Variants in KCNH5 observed in about 807,000 individuals in gnomAD.
The protein encoded by KCNH5 is voltage-gated delayed rectifier potassium channel KCNH5.
Under a neutral mutation model 96.1 loss-of-function variants are expected in KCNH5, and 46 were observed. The ratio of observed to expected loss-of-function variants is 0.48; its 90% CI spans 0.38 to 0.61. The LOEUF is 0.61. KCNH5 is among the 20% of genes least tolerant of loss of function. The pLI is 0.00. For synonymous variants in KCNH5, 439 were observed against 449.8 expected (o/e 0.98, Z 0.30); for missense variants, 907 against 1,225.8 (o/e 0.74, Z 3.88).
At chr14:62,890,903 TAAC>T (rs1306030045) in intron 7 of KCNH5, among the ~76,000 whole-genome samples, 1 of 151,980 alleles carries the variant, frequency 6.6e-6, no homozygotes, top group East Asian at 1.9e-4. Context: ...AGTCAAAAAA[TAAC>T]AAATGCTGGC....
chr14:62,954,103 G>A (rs1353026601), intron 6 of KCNH5, among the ~76,000 whole-genome samples: 1 of 152,182 alleles, frequency 6.6e-6, no homozygotes, highest in South Asian at 2.1e-4. Flanking sequence ...TTCCCAGAAT[G>A]TCCATGCTGT....
rs778860669 is a variant in KCNH5, at chr14:62,708,114, G to A, written c.2361C>T (p.Asn787=). ...NNRDAMELKP[N]GGADQKCLKV... is the part of the protein sequence containing the mutation. ...TGAGACATTTTTGGTCAGCACCGCC[G>A]TTGGGCTTGAGTTCCATGGCATCAC... Residue 787 remains asparagine, a synonymous_variant, in exon 11 of 11, where the codon AAC becomes AAT. Coordinates refer to ENST00000322893, the MANE Select transcript of KCNH5 (RefSeq NM_139318.5). The A allele has an allele frequency of 1.4e-5, 22 of 1,614,074 alleles. No individual in the cohort carries two copies. Among genetic ancestry groups the A allele is most frequent in the East Asian group, 2.2e-5 (1 of 44,894 alleles).
intron 7 of KCNH5, among the ~76,000 whole-genome samples, chr14:62,856,053 T>C (rs947641547): frequency 6.6e-6 from 1 of 152,222 alleles, no homozygotes; most frequent in Admixed American, 6.5e-5. Context: ...TTATAGTTTA[T>C]AAAAATTCAT....
chr14:62,981,970 C>T (rs371023935), intron 5 of KCNH5, among the ~76,000 whole-genome samples: 3 of 152,164 alleles, frequency 2.0e-5, no homozygotes, highest in Admixed American at 2.0e-4. Context: ...CTAATTACAG[C>T]AGAAAACAAA....
intron 7 of KCNH5, among the ~76,000 whole-genome samples, chr14:62,910,666 T>C (rs1053975266): frequency 2.0e-5 from 3 of 152,192 alleles, no homozygotes; most frequent in African/African-American, 4.8e-5. Flanking sequence ...AAGATCTTTA[T>C]GGAGAAAACT....
At chr14:62,775,721 T>C (rs1165933476) in intron 10 of KCNH5, among the ~76,000 whole-genome samples, 1 of 152,234 alleles carries the variant, frequency 6.6e-6, no homozygotes, top group East Asian at 1.9e-4. Flanking sequence ...ATTCTATTCA[T>C]ATGCCCACTG....
intron 6 of KCNH5, among the ~76,000 whole-genome samples, chr14:62,956,634 G>T (rs1044192315): frequency 4.0e-5 from 6 of 151,266 alleles, no homozygotes; most frequent in African/African-American, 7.3e-5. Flanking sequence ...GTGGGGGCGG[G>T]GGGGGGCAGG....
At chr14:62,882,710 C>T (rs1022432511) in intron 7 of KCNH5, among the ~76,000 whole-genome samples, 1 of 152,054 alleles carries the variant, frequency 6.6e-6, no homozygotes, top group African/African-American at 2.4e-5. Context: ...TTTGCTTTAC[C>T]ATTAGATTAC....
In KCNH5 at chr14:62,858,854, C is replaced by G. The variant is rs1052538909; in HGVS notation, c.1370-9002G>C. Among the ~76,000 whole-genome samples the G allele has an allele frequency of 1.9e-4, 29 of 152,288 alleles. No individual in the cohort carries two copies. The East Asian group carries it at 5.4e-3, about 28-fold the overall frequency. On this transcript the variant is annotated intron_variant, in intron 7 of 10. Coordinates refer to ENST00000322893, the MANE Select transcript of KCNH5 (RefSeq NM_139318.5). ...GCCAAGACCTGCAAAGTATTATCAC[C>G]TAATTGGCATTGTAATTCTGACTTC...
chr14:62,763,808 C>G (rs1450705301), intron 10 of KCNH5, among the ~76,000 whole-genome samples: 1 of 152,158 alleles, frequency 6.6e-6, no homozygotes, highest in Non-Finnish European at 1.5e-5. Context: ...TTCCTAGAAA[C>G]ATGCAACCTC....
intron 8 of KCNH5, among the ~76,000 whole-genome samples, chr14:62,834,411 G>T (rs2140030887): frequency 6.6e-6 from 1 of 152,024 alleles, no homozygotes; most frequent in South Asian, 2.1e-4. Context: ...TAATTATTCA[G>T]CAGTGAACAA....
intron 1 of KCNH5, among the ~76,000 whole-genome samples, chr14:63,041,260 T>C (rs11845549): frequency 0.058 from 8,856 of 152,236 alleles, 563 homozygotes; most frequent in African/African-American, 0.16. Context: ...AAACAGTTAC[T>C]TTCTTCCAGA....
chr14:62,705,882 G>A lies in KCNH5; in HGVS notation c.*1626C>T, dbSNP rs183448731. On this transcript the variant is annotated 3_prime_UTR_variant, in exon 11 of 11. Coordinates refer to ENST00000322893, the MANE Select transcript of KCNH5 (RefSeq NM_139318.5). ...TCTTTTGCATATTGTTAACATATATGTACAGATGGTCCCGTAATATATAAA... is the reference window on the plus strand; with the variant it reads ...TCTTTTGCATATTGTTAACATATATATACAGATGGTCCCGTAATATATAAA... The A allele has an allele frequency of 1.3e-3, 195 of 152,138 alleles. 2 individuals are homozygous for A. The highest frequency in any genetic ancestry group is 1.7e-3 in the Non-Finnish European group (116 of 67,912). 9.4% of individuals were successfully genotyped at this position (152,138 alleles called of 1,614,324 possible).
intron 10 of KCNH5, among the ~76,000 whole-genome samples, chr14:62,735,493 A>G (rs1566643501): frequency 6.6e-6 from 1 of 152,226 alleles, no homozygotes; most frequent in African/African-American, 2.4e-5. Flanking sequence ...TGGGCTTGTT[A>G]TCATTCAGAT....
chr14:62,911,786 C>T lies in KCNH5; in HGVS notation c.1369+38347G>A, dbSNP rs371690337. On this transcript the variant is annotated intron_variant, in intron 7 of 10. Transcript: ENST00000322893. ...GCACGGTGGCTCACACCTGTAATCCCAGCACTTTAGGAGGGAGGCAGGTGG... is the reference window on the plus strand; with the variant it reads ...GCACGGTGGCTCACACCTGTAATCCTAGCACTTTAGGAGGGAGGCAGGTGG... 2.6e-5 allele frequency among the ~76,000 whole-genome samples: 4 copies of T among 151,112 alleles called. No homozygotes were observed. In the South Asian group the frequency reaches 8.4e-4, roughly 32 times the overall value.
chr14:63,016,793 A>C (rs756046024), intron 2 of KCNH5, 38 bp downstream of exon 2: 6 of 1,590,048 alleles, frequency 3.8e-6, no homozygotes, highest in Non-Finnish European at 5.1e-6. Flanking sequence ...ATTTTTGTTA[A>C]ATTTCAGAAA....
intron 7 of KCNH5, among the ~76,000 whole-genome samples, chr14:62,901,276 T>C (rs946582952): frequency 1.3e-5 from 2 of 152,164 alleles, no homozygotes; most frequent in Non-Finnish European, 2.9e-5. Flanking sequence ...TCAGATTTCT[T>C]ACCTAGGTAT....
chr14:62,833,357 G>T (rs1037554995), intron 8 of KCNH5, among the ~76,000 whole-genome samples: 18 of 151,888 alleles, frequency 1.2e-4, no homozygotes, highest in Non-Finnish European at 1.8e-4. Flanking sequence ...TTTTGAATAT[G>T]GATATCCAGC....
intron 7 of KCNH5, among the ~76,000 whole-genome samples, chr14:62,876,104 T>G (rs1595666341): frequency 6.6e-6 from 1 of 152,082 alleles, no homozygotes; most frequent in Admixed American, 6.5e-5. Context: ...GAGGCGGAGG[T>G]TGCAGTGAGT....
Sources: gnomAD v4.1 joint callset for allele counts (sites outside exome capture counted in the v4.1 genomes callset) on GRCh38, gnomAD v4.1.1 for gene constraint, MANE v1.5 for transcripts, NCBI Gene and HGNC (gene_info 2026-07-23, HGNC 2026-07-21) for gene names.